Variants in BUB1 observed in about 807,000 individuals in gnomAD.
The protein encoded by BUB1 is mitotic checkpoint serine/threonine-protein kinase BUB1.
BUB1 carries 84 observed loss-of-function variants against 135.2 expected under a neutral mutation model. The ratio of observed to expected loss-of-function variants is 0.62; its 90% CI spans 0.52 to 0.74. BUB1 has a LOEUF of 0.74. Ranked by LOEUF, BUB1 falls within the 30% of genes least tolerant of loss-of-function variation. BUB1 has a pLI of 0.00. For synonymous variants in BUB1, 403 were observed against 434.4 expected (o/e 0.93, Z 0.90); for missense variants, 1,162 against 1,288.3 (o/e 0.90, Z 1.50).
At chr2:110,638,227 G>A in intron 24 of BUB1, 68 bp from the exon 25 acceptor site, 2 of 1,288,842 alleles carry the variant, frequency 1.6e-6, no homozygotes, top group Non-Finnish European at 2.1e-6. Flanking sequence ...CCCCACCCCT[G>A]CATCTGACTT....
At chr2:110,651,332 G>A (rs1689780893) in intron 17 of BUB1, among the ~76,000 whole-genome samples, 1 of 151,978 alleles carries the variant, frequency 6.6e-6, no homozygotes, top group African/African-American at 2.4e-5. Flanking sequence ...TGGGTGTGTA[G>A]GCCTCAGCTA....
At chr2:110,655,411 TG>T (rs1559168488) in intron 16 of BUB1, among the ~76,000 whole-genome samples, 1 of 152,218 alleles carries the variant, frequency 6.6e-6, no homozygotes, top group Non-Finnish European at 1.5e-5. Flanking sequence ...CTGTTTTGTT[TG>T]CTATGAAACA....
Position 110,678,038 on chromosome 2 carries a change from A to G in BUB1, c.-43T>C. The G allele has an allele frequency of 1.3e-6, 2 of 1,580,792 alleles. No individual in the cohort carries two copies. Among genetic ancestry groups the G allele is most frequent in the Non-Finnish European group, 1.7e-6 (2 of 1,166,140 alleles). On this transcript the variant is annotated 5_prime_UTR_variant, in exon 1 of 25. Transcript: ENST00000302759. The stretch of plus-strand genomic sequence containing the variant: ...CGGCAGCGGCCAAACCTGAACCGCA[A>G]ACTAGAAGCCGCCGCCGATTCGAAT...
Position 110,659,995 on chromosome 2 carries a change from C to T in BUB1, c.1259G>A (p.Gly420Glu). The change falls in exon 11 of 25, where the codon GGA becomes GAA. Residue 420 changes from glycine to glutamate, a missense_variant. Gly to Glu is a moderately conservative substitution (Grantham distance 98). Transcript: ENST00000302759. ...AACATTACCTTCTTTGATCTCTGCTCCACTCTGTGGCTTGAATTCATGAGT... is the reference window on the plus strand; with the variant it reads ...AACATTACCTTCTTTGATCTCTGCTTCACTCTGTGGCTTGAATTCATGAGT... ...KSTHEFKPQS[G>E]AEIKEGCETH... 1 of 1,611,476 alleles carries T rather than the reference C, an allele frequency of 6.2e-7. No homozygotes were observed. Among genetic ancestry groups the T allele is most frequent in the East Asian group, 2.2e-5 (1 of 44,858 alleles).
intron 19 of BUB1, among the ~76,000 whole-genome samples, chr2:110,646,923 A>C (rs1160044843): frequency 2.0e-5 from 3 of 152,248 alleles, no homozygotes; most frequent in East Asian, 3.8e-4. Flanking sequence ...CCATATCCAC[A>C]AATGAGAATT....
At chr2:110,665,620 CATAT>C (rs1356148698) in intron 9 of BUB1, among the ~76,000 whole-genome samples, 1 of 148,950 alleles carries the variant, frequency 6.7e-6, no homozygotes, top group African/African-American at 2.5e-5. Flanking sequence ...TACATACATA[CATAT>C]ATACAAATGA....
At chr2:110,661,407 C>T in intron 10 of BUB1, 175 bp downstream of exon 10, 1 of 737,792 alleles carries the variant, frequency 1.4e-6, no homozygotes, top group Non-Finnish European at 2.1e-6. Context: ...ATAAGTAAGC[C>T]TAAAGGATTG....
rs769226475 is a variant in BUB1 at position 110,672,625 on chromosome 2, T to C, written c.422+36A>G. On this transcript the variant is annotated intron_variant, in intron 4 of 24. Coordinates refer to ENST00000302759, the MANE Select transcript of BUB1 (RefSeq NM_004336.5). ...TAACAGCAAACATTACTTTTCAAAG[T>C]CAGAATCATCACAGAGAGTTTGACT... is the stretch of plus-strand genomic sequence containing the variant. 11 of 1,517,164 alleles carry C rather than the reference T, an allele frequency of 7.3e-6. No homozygotes were observed. In the African/African-American group the frequency reaches 1.4e-4, roughly 19 times the overall value. The allele number at this position is 1,517,164 out of a possible 1,614,324, so 94.0% of individuals were successfully genotyped here.
At chr2:110,650,260 AAATAT>A (rs754678838) in intron 18 of BUB1, among the ~76,000 whole-genome samples, 8 of 152,212 alleles carry the variant, frequency 5.3e-5, no homozygotes, top group South Asian at 2.1e-4. Flanking sequence ...GTAAAATGTA[AAATAT>A]AATAGTATTA....
intron 19 of BUB1, among the ~76,000 whole-genome samples, chr2:110,645,277 T>C (rs1315909917): frequency 6.6e-6 from 1 of 151,484 alleles, no homozygotes; most frequent in African/African-American, 2.4e-5. Context: ...CCAAAAAAAA[T>C]ACAAAAATTA....
At chr2:110,655,478 T>C (rs1689904465) in intron 16 of BUB1, among the ~76,000 whole-genome samples, 2 of 152,222 alleles carry the variant, frequency 1.3e-5, no homozygotes, top group Non-Finnish European at 2.9e-5. Context: ...TTTAAATGCT[T>C]CTATAGATTT....
chr2:110,670,683 A>C, intron 4 of BUB1, 115 bp from the exon 5 acceptor site: 1 of 1,039,426 alleles, frequency 9.6e-7, no homozygotes, highest in Non-Finnish European at 1.4e-6. Flanking sequence ...GTCTGACGTC[A>C]AGAGAGAATG....
At chr2:110,645,575 C>T (rs554397880) in intron 19 of BUB1, among the ~76,000 whole-genome samples, 25 of 149,366 alleles carry the variant, frequency 1.7e-4, no homozygotes, top group Non-Finnish European at 2.7e-4. Context: ...TAGAAAATGG[C>T]GTTACGTGTA....
chr2:110,660,699 A>T (rs1690059868), intron 10 of BUB1, among the ~76,000 whole-genome samples: 1 of 152,204 alleles, frequency 6.6e-6, no homozygotes, highest in Admixed American at 6.5e-5. Context: ...ACAGAGGTTA[A>T]AGAGTTGAGC....
chr2:110,637,936 A>AT lies in BUB1; in HGVS notation c.*27dup. ...TGAGCAGATTCATATTTACAGTGTG[A>AT]TTTTTAAGGACTGTCTATATCCAAA... is the stretch of plus-strand genomic sequence containing the variant. On this transcript the variant is annotated 3_prime_UTR_variant, in exon 25 of 25. Transcript: ENST00000302759. 7.4e-7 allele frequency: 1 copy of AT among 1,353,038 alleles called. No homozygotes were observed. The allele number at this position is 1,353,038 out of a possible 1,614,324, so 83.8% of individuals were successfully genotyped here.
At chr2:110,651,571 T>A (rs1047859338) in intron 17 of BUB1, among the ~76,000 whole-genome samples, 4 of 151,782 alleles carry the variant, frequency 2.6e-5, no homozygotes, top group African/African-American at 9.7e-5. Context: ...TGAAGAAAAA[T>A]TTTTCTTATA....
intron 9 of BUB1, among the ~76,000 whole-genome samples, chr2:110,663,732 T>G (rs1316681498): frequency 6.6e-6 from 1 of 152,104 alleles, no homozygotes; most frequent in African/African-American, 2.4e-5. Flanking sequence ...AAAATTCTGT[T>G]TAAAAGCAGA....
At position 110,666,330 on chromosome 2, in the gene BUB1, T is replaced by C; in HGVS notation, c.890A>G (p.His297Arg). The change falls in exon 9 of 25, where the codon CAT (histidine) becomes CGT (arginine). Residue 297 changes from histidine (H) to arginine (R), a missense_variant. By Grantham distance (29) the His-to-Arg change is conservative. Coordinates refer to ENST00000302759, the MANE Select transcript of BUB1 (RefSeq NM_004336.5). ...CTCCACCACCTGATGCAACTTCTTATGAAGTTCATCCATTTTCTGTTTTAA... is the reference window on the plus strand; with the variant it reads ...CTCCACCACCTGATGCAACTTCTTACGAAGTTCATCCATTTTCTGTTTTAA... ...QLLKQKMDEL[H>R]KKLHQVVETS... The C allele has an allele frequency of 6.5e-7, 1 of 1,536,080 alleles. No individual in the cohort carries two copies. The highest frequency in any genetic ancestry group is 8.8e-7 in the Non-Finnish European group (1 of 1,140,040).
chr2:110,655,936 GA>G lies in BUB1; in HGVS notation c.1699-21del, dbSNP rs772354111. ...TTCCTCCTATAACAGAAGATGAAAT[GA>G]AAAAAAAGCAGCAATCTCCCTCTTT... On this transcript the variant is annotated intron_variant, in intron 15 of 24. Coordinates refer to ENST00000302759, the MANE Select transcript of BUB1 (RefSeq NM_004336.5). 3.8e-6 allele frequency: 6 copies of G among 1,595,462 alleles called. No individual in the cohort carries two copies. The highest frequency in any genetic ancestry group is 1.7e-4 in the Middle Eastern group (1 of 5,938).
Sources: allele counts gnomAD v4.1 joint callset (sites outside exome capture counted in the v4.1 genomes callset), GRCh38; gene constraint gnomAD v4.1.1; transcripts MANE v1.5; gene names NCBI Gene and HGNC (gene_info 2026-07-23, HGNC 2026-07-21).